MAP2K1: variants seen among roughly 807,000 people sequenced by gnomAD.
MAP2K1 encodes mitogen-activated protein kinase kinase 1, also known as dual specificity mitogen-activated protein kinase kinase 1.
In MAP2K1, 16 loss-of-function variants were observed where a neutral mutation model predicts 46.3. That is an observed-to-expected ratio of 0.35 (90% CI 0.23 to 0.52). MAP2K1 has a LOEUF of 0.52. Ranked by LOEUF, MAP2K1 falls within the 20% of genes least tolerant of loss-of-function variation. The pLI is 0.94. For missense variants in MAP2K1, 263 were observed against 497.1 expected, an observed-to-expected ratio of 0.53 and a Z score of 4.48; for synonymous variants, 183 against 185.6, an observed-to-expected ratio of 0.99 and a Z score of 0.11.
At chr15:66,421,456 C>A (rs1177116223) in intron 1 of MAP2K1, among the ~76,000 whole-genome samples, 1 of 148,534 alleles carries the variant, frequency 6.7e-6, no homozygotes, top group East Asian at 2.0e-4. Context: ...TTTTTTTTTT[C>A]CTTAAGTGCT....
At chr15:66,409,567 CACAG>C (rs1242498898) in intron 1 of MAP2K1, among the ~76,000 whole-genome samples, 1 of 152,134 alleles carries the variant, frequency 6.6e-6, no homozygotes, top group East Asian at 1.9e-4. Flanking sequence ...GACAGATGGC[CACAG>C]ACAGGATTCT....
intron 1 of MAP2K1, among the ~76,000 whole-genome samples, chr15:66,418,781 G>T (rs529054276): frequency 3.4e-5 from 5 of 149,112 alleles, no homozygotes; most frequent in Non-Finnish European, 4.5e-5. Context: ...TCCTGCCTCA[G>T]CCTCCCGAGC....
intron 1 of MAP2K1, among the ~76,000 whole-genome samples, chr15:66,411,746 A>G (rs1292425892): frequency 1.3e-5 from 2 of 152,252 alleles, no homozygotes; most frequent in East Asian, 3.8e-4. Context: ...TTTCTAACCA[A>G]GGATAAGTCA....
chr15:66,423,912 C>T (rs1056852464), intron 1 of MAP2K1, among the ~76,000 whole-genome samples: 1 of 151,826 alleles, frequency 6.6e-6, no homozygotes, highest in Admixed American at 6.6e-5. Flanking sequence ...CCACCCATGC[C>T]TGGCTGATTG....
intron 5 of MAP2K1, among the ~76,000 whole-genome samples, chr15:66,477,868 G>A (rs566137446): frequency 5.9e-5 from 9 of 152,176 alleles, no homozygotes; most frequent in South Asian, 4.2e-4. Context: ...TCTCAGTCTC[G>A]TTCCATTTTC....
At chr15:66,396,665 T>G (rs770177509) in intron 1 of MAP2K1, among the ~76,000 whole-genome samples, 15 of 152,126 alleles carry the variant, frequency 9.9e-5, no homozygotes, top group Non-Finnish European at 2.1e-4. Flanking sequence ...GTTACATCAC[T>G]CCCTACTTAG....
At chr15:66,389,154 C>T (rs2093350837) in intron 1 of MAP2K1, among the ~76,000 whole-genome samples, 1 of 151,674 alleles carries the variant, frequency 6.6e-6, no homozygotes, top group Non-Finnish European at 1.5e-5. Context: ...GATCCACCTG[C>T]CTCGGCCTCC....
At chr15:66,404,265 T>A (rs988812440) in intron 1 of MAP2K1, among the ~76,000 whole-genome samples, 7 of 152,112 alleles carry the variant, frequency 4.6e-5, no homozygotes, top group Admixed American at 2.6e-4. Flanking sequence ...GGCAGGAGAA[T>A]CACTTGAACC....
chr15:66,422,072 A>G (rs949267925), intron 1 of MAP2K1, among the ~76,000 whole-genome samples: 1 of 152,196 alleles, frequency 6.6e-6, no homozygotes, highest in Non-Finnish European at 1.5e-5. Context: ...TGGTGAAACC[A>G]TAAAAGCAAT....
At chr15:66,420,759 G>GTGTGTATGTGTATATA (rs1252003697) in intron 1 of MAP2K1, among the ~76,000 whole-genome samples, 4 of 40,080 alleles carry the variant, frequency 1.0e-4, no homozygotes, top group Admixed American at 3.1e-4. Context: ...GTGTGTGTGT[G>GTGTGTATGTGTATATA]TATGTGTGTA....
chr15:66,460,700 C>T (rs186380850), intron 5 of MAP2K1, among the ~76,000 whole-genome samples: 2 of 152,008 alleles, frequency 1.3e-5, no homozygotes, highest in African/African-American at 2.4e-5. Flanking sequence ...TCTACTGTTA[C>T]GGCTAAGGTG....
intron 5 of MAP2K1, among the ~76,000 whole-genome samples, chr15:66,481,286 A>G (rs1004497889): frequency 3.3e-5 from 5 of 152,178 alleles, no homozygotes; most frequent in Admixed American, 3.3e-4. Flanking sequence ...GAAGTCTAGA[A>G]TGGGAATTCC....
chr15:66,443,501 G>A (rs1051737489), intron 4 of MAP2K1, 144 bp downstream of exon 4: 4 of 674,390 alleles, frequency 5.9e-6, no homozygotes, highest in Non-Finnish European at 1.1e-5. Flanking sequence ...ACTCTTCCCT[G>A]TCTGGAGTCT....
chr15:66,466,271 T>C (rs1393568306), intron 5 of MAP2K1, among the ~76,000 whole-genome samples: 3 of 152,248 alleles, frequency 2.0e-5, no homozygotes, highest in Non-Finnish European at 4.4e-5. Context: ...CATATGCAGA[T>C]AACTATATTG....
chr15:66,448,866 T>A (rs1891950696), intron 5 of MAP2K1, among the ~76,000 whole-genome samples: 2 of 151,058 alleles, frequency 1.3e-5, no homozygotes, highest in African/African-American at 2.4e-5. Flanking sequence ...TAGCTGGGCG[T>A]GGTGGCGGAT....
intron 1 of MAP2K1, among the ~76,000 whole-genome samples, chr15:66,430,675 A>G (rs1436692952): frequency 6.6e-6 from 1 of 152,172 alleles, no homozygotes; most frequent in Non-Finnish European, 1.5e-5. Flanking sequence ...TCTCATCTGT[A>G]AAATGAGAAT....
intron 4 of MAP2K1, 77 bp downstream of exon 4, chr15:66,443,434 G>A: frequency 1.1e-6 from 1 of 906,270 alleles, no homozygotes. Context: ...GACAAGAGAG[G>A]AAGATGGGAA....
chr15:66,460,596 A>G (rs997771105), intron 5 of MAP2K1, among the ~76,000 whole-genome samples: 4 of 152,220 alleles, frequency 2.6e-5, no homozygotes, highest in African/African-American at 9.6e-5. Flanking sequence ...CTTCACTGCC[A>G]TGTTCAGGAA....
chr15:66,409,278 C>G (rs1194557414), intron 1 of MAP2K1, among the ~76,000 whole-genome samples: 1 of 152,086 alleles, frequency 6.6e-6, no homozygotes, highest in Non-Finnish European at 1.5e-5. Context: ...AGCCAACAGT[C>G]CCATCCCAGC....
Sources: allele counts gnomAD v4.1 joint callset (sites outside exome capture counted in the v4.1 genomes callset), GRCh38; gene constraint gnomAD v4.1.1; transcripts MANE v1.5; gene names NCBI Gene and HGNC (gene_info 2026-07-23, HGNC 2026-07-21).